The following NFU1 variants were observed in gnomAD, a reference collection of about 807,000 sequenced individuals.
NFU1 encodes the protein NFU1 iron-sulfur cluster scaffold homolog, mitochondrial.
NFU1 carries 30 observed loss-of-function variants against 32.2 expected under a neutral mutation model. The ratio of observed to expected loss-of-function variants is 0.93; its 90% confidence interval spans 0.70 to 1.26. NFU1 has a LOEUF of 1.26. Among genes scored for constraint, NFU1 ranks in the 50% most tolerant of loss-of-function variants. The probability of loss-of-function intolerance (pLI) is 0.00; values close to 1 mark genes in which losing one functional copy is unlikely to be tolerated. For missense variants in NFU1, 306 were observed against 306.6 expected (o/e 1.00, Z 0.02); for synonymous variants, 112 against 104.6 (o/e 1.07, Z -0.43).
chr2:69,430,394 T>G (rs1673600032), intron 2 of NFU1, among the ~76,000 whole-genome samples: 1 of 152,040 alleles, frequency 6.6e-6, no homozygotes, highest in Admixed American at 6.6e-5. Flanking sequence ...TGTATTTTTT[T>G]GTAAAGACAG....
At chr2:69,403,944 T>C (rs1390306042) in intron 6 of NFU1, among the ~76,000 whole-genome samples, 2 of 151,338 alleles carry the variant, frequency 1.3e-5, no homozygotes, top group Non-Finnish European at 2.9e-5. Context: ...GTTCACGCCA[T>C]TCTCCTGCCT....
Position 69,415,229 on chromosome 2 carries a change from G to A in NFU1, c.440C>T (p.Ser147Phe). Reference protein sequence around the residue: ...IYATIMDFFASGLPLVTEETP... With the variant: ...IYATIMDFFAFGLPLVTEETP... ...TTCCTCAGTAACCAGGGGTAAGCCA[G>A]ATGCAAAGAAGTCCATGATTGTTGC... The change falls in exon 5 of 8, where the codon TCT becomes TTT. Residue 147 changes from serine (S) to phenylalanine (F), a missense_variant. Ser to Phe is a radical substitution (Grantham distance 155). Transcript: ENST00000410022. 4 of 1,612,908 alleles carry A rather than the reference G, an allele frequency of 2.5e-6. No homozygotes were observed. The highest frequency in any genetic ancestry group is 3.3e-4 in the Middle Eastern group (2 of 6,044).
intron 1 of NFU1, among the ~76,000 whole-genome samples, chr2:69,432,304 G>A (rs1351353074): frequency 6.6e-6 from 1 of 152,234 alleles, no homozygotes; most frequent in African/African-American, 2.4e-5. Context: ...GCTGGGTGAG[G>A]TGGCTCACGC....
intron 6 of NFU1, 21 bp downstream of exon 6, chr2:69,406,001 G>C: frequency 6.6e-7 from 1 of 1,514,502 alleles, no homozygotes; most frequent in Non-Finnish European, 9.2e-7. Context: ...CTTGAATTCA[G>C]GTAGAGAGAG....
intron 6 of NFU1, among the ~76,000 whole-genome samples, chr2:69,404,656 G>A (rs1158315623): frequency 3.1e-4 from 18 of 57,440 alleles, no homozygotes; most frequent in African/African-American, 6.2e-4. Context: ...AGTTTTGCTC[G>A]TCGCCCAGGC....
chr2:69,433,535 A>G (rs1249672715), intron 1 of NFU1, among the ~76,000 whole-genome samples: 3 of 151,072 alleles, frequency 2.0e-5, no homozygotes, highest in Admixed American at 2.0e-4. Flanking sequence ...GAGTGCAGTG[A>G]TGCGATCCCA....
chr2:69,419,264 T>C (rs1021869834), intron 4 of NFU1, among the ~76,000 whole-genome samples: 4 of 151,198 alleles, frequency 2.6e-5, no homozygotes, highest in African/African-American at 9.7e-5. Context: ...GAGGCAGAGG[T>C]GGCAGTGAGC....
At chr2:69,417,210 T>C (rs1286391889) in intron 4 of NFU1, among the ~76,000 whole-genome samples, 1 of 151,974 alleles carries the variant, frequency 6.6e-6, no homozygotes, top group African/African-American at 2.4e-5. Context: ...ACACAAATGA[T>C]GCATAAAGAA....
intron 6 of NFU1, among the ~76,000 whole-genome samples, chr2:69,401,468 T>C (rs7591825): frequency 0.44 from 67,430 of 152,090 alleles, 15,257 homozygotes; most frequent in African/African-American, 0.52. Flanking sequence ...CTGCATAGTA[T>C]TCCATTAAGC....
chr2:69,419,282 G>A (rs928375475), intron 4 of NFU1, among the ~76,000 whole-genome samples: 10 of 151,858 alleles, frequency 6.6e-5, no homozygotes, highest in Non-Finnish European at 8.8e-5. Flanking sequence ...AGCCAAGATC[G>A]CACCATCACA....
intron 2 of NFU1, among the ~76,000 whole-genome samples, chr2:69,428,319 G>C (rs1391777188): frequency 6.6e-6 from 1 of 152,058 alleles, no homozygotes; most frequent in East Asian, 1.9e-4. Flanking sequence ...CAGCTACCTA[G>C]AAGGCTGATG....
intron 6 of NFU1, 50 bp downstream of exon 6, chr2:69,405,972 G>T: frequency 2.5e-6 from 3 of 1,187,940 alleles, no homozygotes; most frequent in Non-Finnish European, 3.8e-6. Context: ...TTGCTATAAT[G>T]AAAAATGCCT....
At chr2:69,412,139 C>T (rs1320498721) in intron 5 of NFU1, among the ~76,000 whole-genome samples, 3 of 151,928 alleles carry the variant, frequency 2.0e-5, no homozygotes, top group African/African-American at 7.3e-5. Flanking sequence ...CAACCTCTGC[C>T]TCCCAAGTTC....
chr2:69,408,012 CAAAA>C (rs199682373), intron 5 of NFU1, among the ~76,000 whole-genome samples: 3 of 124,536 alleles, frequency 2.4e-5, no homozygotes, highest in African/African-American at 2.9e-5. Context: ...GACCCCACCT[CAAAA>C]AAAAAAAAAA....
intron 3 of NFU1, among the ~76,000 whole-genome samples, chr2:69,421,522 A>T (rs1448198134): frequency 2.1e-5 from 3 of 146,120 alleles, no homozygotes; most frequent in Non-Finnish European, 4.5e-5. Context: ...CTTCTCTATC[A>T]GTTAAAAAGA....
At chr2:69,431,692 T>C (rs1299377187) in intron 2 of NFU1, among the ~76,000 whole-genome samples, 4 of 152,234 alleles carry the variant, frequency 2.6e-5, no homozygotes, top group Admixed American at 2.6e-4. Flanking sequence ...TACAACATAC[T>C]GAGATTTCAT....
upstream of NFU1, among the ~76,000 whole-genome samples, chr2:69,439,429 T>C (rs1185414849): frequency 6.6e-6 from 1 of 152,094 alleles, no homozygotes; most frequent in Non-Finnish European, 1.5e-5. Flanking sequence ...ACTTCAGGAG[T>C]GAAGCTGCAG....
At chr2:69,425,017 C>A (rs1673405818) in intron 2 of NFU1, among the ~76,000 whole-genome samples, 1 of 151,304 alleles carries the variant, frequency 6.6e-6, no homozygotes, top group African/African-American at 2.4e-5. Flanking sequence ...GCTAGGACTA[C>A]AGGCACCCGC....
intron 7 of NFU1, among the ~76,000 whole-genome samples, chr2:69,398,245 G>A (rs184829329): frequency 3.9e-5 from 6 of 152,254 alleles, no homozygotes; most frequent in Admixed American, 2.0e-4. Flanking sequence ...GAGCTTCCAC[G>A]TAAACATAAA....
Sources: allele counts gnomAD v4.1 joint callset (sites outside exome capture counted in the v4.1 genomes callset), GRCh38; gene constraint gnomAD v4.1.1; transcripts MANE v1.5; gene names NCBI Gene and HGNC (gene_info 2026-07-23, HGNC 2026-07-21).